Variants in SV2C observed in about 807,000 individuals in gnomAD.
The protein encoded by SV2C is synaptic vesicle glycoprotein 2C.
In SV2C, 49 loss-of-function variants were observed where a neutral mutation model predicts 79.7. The observed-to-expected ratio is 0.61, with a 90% CI of 0.49 to 0.78. SV2C has a LOEUF of 0.78. SV2C is among the 30% of genes least tolerant of loss of function. The probability of loss-of-function intolerance (pLI) is 0.00; values close to 1 mark genes in which losing one functional copy is unlikely to be tolerated. For synonymous variants in SV2C, 334 were observed against 333.2 expected (o/e 1.00, Z -0.03); for missense variants, 833 against 912.9 (o/e 0.91, Z 1.13).
the SV2C span, among the ~76,000 whole-genome samples, chr5:76,013,315 C>A: frequency 6.6e-6 from 1 of 152,122 alleles, no homozygotes; most frequent in African/African-American, 2.4e-5. Context: ...TTGAAGAGGT[C>A]CTTCACATCC....
rs371688116 is a variant in SV2C, at chr5:76,237,989, C to CACACAT, written c.913+28105_913+28106insCATACA. ...GGACTAACACACACACACACACACA[C>CACACAT]ACATACATACATACATACATATACA... On this transcript the variant is annotated intron_variant, in intron 4 of 12. Transcript: ENST00000502798. Among the ~76,000 whole-genome samples, 1,060 of 150,054 alleles carry CACACAT rather than the reference C, an allele frequency of 7.1e-3. 4 individuals carry two copies. Among genetic ancestry groups the CACACAT allele is most frequent in the Middle Eastern group, 0.017 (5 of 294 alleles).
rs1169948462 is a variant in SV2C, at chr5:76,330,924, T to A, written c.*5377T>A. 1 of 151,538 alleles carries A rather than the reference T, an allele frequency of 6.6e-6. No individual in the cohort carries two copies. Among genetic ancestry groups the A allele is most frequent in the Non-Finnish European group, 1.5e-5 (1 of 67,994 alleles). The allele number at this position is 151,538 out of a possible 1,614,324, so 9.4% of individuals were successfully genotyped here. ...TAGGCCGGAGTGCAGTGGTGCAATCTCGGCTCAATGCAACTTCCGCCTCCC... is the reference window on the plus strand; with the variant it reads ...TAGGCCGGAGTGCAGTGGTGCAATCACGGCTCAATGCAACTTCCGCCTCCC... On this transcript the variant is annotated 3_prime_UTR_variant, in exon 13 of 13. Coordinates refer to ENST00000502798, the MANE Select transcript of SV2C (RefSeq NM_014979.4).
intron 12 of SV2C, among the ~76,000 whole-genome samples, chr5:76,314,452 G>A (rs927641773): frequency 1.3e-5 from 2 of 151,090 alleles, no homozygotes; most frequent in African/African-American, 4.9e-5. Context: ...CAACAAAGTG[G>A]AGGAAAGCAC....
chr5:76,019,592 T>C, the SV2C span, among the ~76,000 whole-genome samples: 1 of 152,190 alleles, frequency 6.6e-6, no homozygotes, highest in East Asian at 1.9e-4. Context: ...TATTTCTTGC[T>C]TCATAGCTTC....
chr5:76,229,383 G>T (rs1745345784), intron 4 of SV2C, among the ~76,000 whole-genome samples: 1 of 152,204 alleles, frequency 6.6e-6, no homozygotes, highest in Admixed American at 6.5e-5. Context: ...TGGGTAGGAG[G>T]GTAGTAAAAT....
chr5:75,981,107 C>G, the SV2C span, among the ~76,000 whole-genome samples: 684 of 152,262 alleles, frequency 4.5e-3, 5 homozygotes, highest in Middle Eastern at 0.027. Context: ...AACAAACTCT[C>G]ACTGACAATT....
the SV2C span, chr5:75,921,364 G>A: frequency 6.2e-6 from 6 of 963,668 alleles, no homozygotes; most frequent in South Asian, 7.8e-5. Flanking sequence ...TGTCCTTTGG[G>A]GGGTGCTGGT....
the SV2C span, among the ~76,000 whole-genome samples, chr5:75,968,917 G>A: frequency 6.6e-6 from 1 of 152,174 alleles, no homozygotes; most frequent in Non-Finnish European, 1.5e-5. Flanking sequence ...GTTAACGGCA[G>A]CCAGAGAGAA....
intron 10 of SV2C, among the ~76,000 whole-genome samples, chr5:76,299,934 T>G (rs1412429145): frequency 1.3e-5 from 2 of 152,328 alleles, no homozygotes; most frequent in East Asian, 3.9e-4. Flanking sequence ...GACCTTCAGA[T>G]GAGGCTGACT....
chr5:75,953,344 G>A, the SV2C span, among the ~76,000 whole-genome samples: 1 of 151,970 alleles, frequency 6.6e-6, no homozygotes, highest in African/African-American at 2.4e-5. Context: ...ATTTTGACAT[G>A]AAGTTTGGGG....
At chr5:75,960,770 T>A in the SV2C span, among the ~76,000 whole-genome samples, 6 of 151,976 alleles carry the variant, frequency 3.9e-5, no homozygotes, top group Admixed American at 1.3e-4. Flanking sequence ...TGTTGCTTTG[T>A]TATTGATTGT....
At chr5:75,950,778 G>C in the SV2C span, among the ~76,000 whole-genome samples, 216 of 151,756 alleles carry the variant, frequency 1.4e-3, 1 homozygote, top group African/African-American at 4.9e-3. Context: ...CTAGTGGCTT[G>C]AGAGTTATTC....
At chr5:75,907,417 T>C in the SV2C span, among the ~76,000 whole-genome samples, 1 of 152,130 alleles carries the variant, frequency 6.6e-6, no homozygotes, top group Non-Finnish European at 1.5e-5. Flanking sequence ...TAATGTGAAC[T>C]TCACTGTCAG....
the SV2C span, among the ~76,000 whole-genome samples, chr5:76,044,770 T>A: frequency 6.6e-6 from 1 of 152,212 alleles, no homozygotes; most frequent in Non-Finnish European, 1.5e-5. Context: ...TTGTTTGTTT[T>A]TTTCTTGTAA....
At chr5:75,863,115 A>G in the SV2C span, among the ~76,000 whole-genome samples, 3 of 152,156 alleles carry the variant, frequency 2.0e-5, no homozygotes, top group African/African-American at 7.2e-5. Flanking sequence ...TTTAATGACA[A>G]GGTCTTTGAA....
downstream of SV2C, among the ~76,000 whole-genome samples, chr5:76,335,628 C>G (rs571447439): frequency 2.1e-4 from 32 of 152,030 alleles, no homozygotes; most frequent in African/African-American, 4.8e-4. Flanking sequence ...TGACTCTTAA[C>G]GAGCATGCTG....
chr5:76,296,007 C>T lies in SV2C; in HGVS notation c.1502+65C>T, dbSNP rs1299000704. The T allele has an allele frequency of 4.9e-6, 7 of 1,433,904 alleles. No individual in the cohort carries two copies. The East Asian group carries it at 1.4e-4, about 29-fold the overall frequency. The allele number at this position is 1,433,904 out of a possible 1,614,324, so 88.8% of individuals were successfully genotyped here. On this transcript the variant is annotated intron_variant, in intron 9 of 12. Transcript: ENST00000502798. Reference sequence around the variant, plus strand: ...CAAAAACTTATTTCTTCTTAGCTTTCCCTGCACTGAAACAGGCATAGTTTT... The same window carrying T: ...CAAAAACTTATTTCTTCTTAGCTTTTCCTGCACTGAAACAGGCATAGTTTT...
At chr5:75,994,241 G>A in the SV2C span, among the ~76,000 whole-genome samples, 4 of 152,074 alleles carry the variant, frequency 2.6e-5, no homozygotes, top group African/African-American at 4.8e-5. Context: ...GGAGAAAGCC[G>A]GACAGACGGT....
intron 2 of SV2C, among the ~76,000 whole-genome samples, chr5:76,155,105 T>C (rs774917013): frequency 2.6e-5 from 4 of 152,212 alleles, no homozygotes; most frequent in Non-Finnish European, 4.4e-5. Flanking sequence ...AAAGTAAACA[T>C]AGAGTGGCTA....
Sources: gnomAD v4.1 joint callset for allele counts (sites outside exome capture counted in the v4.1 genomes callset) on GRCh38, gnomAD v4.1.1 for gene constraint, MANE v1.5 for transcripts, NCBI Gene and HGNC (gene_info 2026-07-23, HGNC 2026-07-21) for gene names.